NRG1: variants seen among roughly 807,000 people sequenced by gnomAD.
NRG1 encodes pro-neuregulin-1, membrane-bound isoform.
Under a neutral mutation model 63.8 loss-of-function variants are expected in NRG1, and 18 were observed. The ratio of observed to expected loss-of-function variants is 0.28; its 90% CI spans 0.19 to 0.42. The LOEUF is 0.42. Ranked by LOEUF, NRG1 falls within the 10% of genes least tolerant of loss-of-function variation. NRG1 has a pLI of 1.00. For synonymous variants in NRG1, 302 were observed against 301.3 expected (o/e 1.00, Z -0.02); for missense variants, 762 against 814.7 (o/e 0.94, Z 0.79).
At chr8:32,732,027 C>G (rs1823804490) in intron 6 of NRG1, among the ~76,000 whole-genome samples, 1 of 152,196 alleles carries the variant, frequency 6.6e-6, no homozygotes, top group Admixed American at 6.5e-5. Context: ...TTTTGTCTCT[C>G]TGCTTAGAAC....
intron 5 of NRG1, among the ~76,000 whole-genome samples, chr8:32,675,123 T>A (rs577330018): frequency 6.6e-6 from 1 of 152,198 alleles, no homozygotes. Context: ...ATGGTGTTAT[T>A]CATATTACTG....
At chr8:31,871,396 T>C (rs776388) in intron 1 of NRG1, among the ~76,000 whole-genome samples, 5,127 of 152,140 alleles carry the variant, frequency 0.034, 271 homozygotes, top group African/African-American at 0.12. Flanking sequence ...TCAAGAAGAA[T>C]CTCACAAAAT....
At chr8:31,662,824 T>C (rs139314335) in intron 1 of NRG1, among the ~76,000 whole-genome samples, 1 of 152,188 alleles carries the variant, frequency 6.6e-6, no homozygotes, top group Non-Finnish European at 1.5e-5. Flanking sequence ...CAAGAACTTA[T>C]TGTTGGGATG....
chr8:32,250,845 G>T (rs191710887), intron 1 of NRG1, among the ~76,000 whole-genome samples: 3 of 152,064 alleles, frequency 2.0e-5, no homozygotes, highest in Admixed American at 2.0e-4. Context: ...AGTCTGTAAT[G>T]AAAAATTGAG....
At chr8:32,757,017 C>T (rs955985941) in intron 9 of NRG1, among the ~76,000 whole-genome samples, 7 of 152,076 alleles carry the variant, frequency 4.6e-5, no homozygotes, top group African/African-American at 1.2e-4. Context: ...TCCTTTAGGG[C>T]GTGGAAAGGT....
chr8:32,343,270 TCC>T (rs1225697518), intron 1 of NRG1, among the ~76,000 whole-genome samples: 3 of 152,208 alleles, frequency 2.0e-5, no homozygotes, highest in Non-Finnish European at 4.4e-5. Context: ...ATTTTACATG[TCC>T]CATCCAACTT....
intron 1 of NRG1, among the ~76,000 whole-genome samples, chr8:31,723,959 G>A (rs990705486): frequency 2.0e-5 from 3 of 152,104 alleles, no homozygotes; most frequent in Non-Finnish European, 4.4e-5. Context: ...CTGGCAAACA[G>A]GAGCTAAATG....
At chr8:32,295,269 A>G (rs960766379) in intron 1 of NRG1, among the ~76,000 whole-genome samples, 8 of 152,158 alleles carry the variant, frequency 5.3e-5, no homozygotes, top group African/African-American at 1.9e-4. Context: ...CCAGACTGAA[A>G]TATGCATGTC....
At chr8:32,738,425 T>TACGC (rs1554658455) in intron 6 of NRG1, among the ~76,000 whole-genome samples, 1 of 149,664 alleles carries the variant, frequency 6.7e-6, no homozygotes, top group East Asian at 2.0e-4. Flanking sequence ...GGTATATACA[T>TACGC]ACACACACAC....
intron 1 of NRG1, among the ~76,000 whole-genome samples, chr8:31,925,233 G>A (rs983202066): frequency 3.0e-4 from 14 of 46,438 alleles, no homozygotes; most frequent in Admixed American, 1.6e-3. Context: ...AACTTTGGTT[G>A]TGAATGTACT....
intron 1 of NRG1, among the ~76,000 whole-genome samples, chr8:31,691,064 C>G (rs951942580): frequency 6.6e-6 from 1 of 152,084 alleles, no homozygotes; most frequent in Admixed American, 6.5e-5. Context: ...CTGGGTCACT[C>G]TAGCAGAGAT....
intron 1 of NRG1, among the ~76,000 whole-genome samples, chr8:32,423,544 C>G (rs1275122189): frequency 6.6e-6 from 1 of 152,066 alleles, no homozygotes; most frequent in Admixed American, 6.6e-5. Flanking sequence ...ACCCGAGAAG[C>G]TAAGGTGGGA....
At chr8:31,815,468 T>C (rs922732321) in intron 1 of NRG1, among the ~76,000 whole-genome samples, 1 of 152,224 alleles carries the variant, frequency 6.6e-6, no homozygotes, top group Non-Finnish European at 1.5e-5. Flanking sequence ...TTTATAGATA[T>C]ACCACATTTT....
At chr8:32,640,265 A>ACACACACACGCACG (rs1207884140) in intron 5 of NRG1, among the ~76,000 whole-genome samples, 1 of 151,770 alleles carries the variant, frequency 6.6e-6, no homozygotes. Context: ...ACACACACAC[A>ACACACACACGCACG]CACACACACG....
rs569378673 is a variant in NRG1, at chr8:31,966,627, T to A, written c.37+327196T>A. 2.0e-5 allele frequency among the ~76,000 whole-genome samples: 3 copies of A among 152,320 alleles called. No homozygotes were observed. In the East Asian group the frequency reaches 5.8e-4, roughly 29 times the overall value. On this transcript the variant is annotated intron_variant, in intron 1 of 10. Coordinates refer to the NRG1 transcript ENST00000519301. ...AGTGCTTCCTTAGGGAGCTGCTTAA[T>A]ACATTTCAATCTTAGAAGGTCAAGA...
At chr8:32,566,354 A>G (rs1179341605) in intron 1 of NRG1, among the ~76,000 whole-genome samples, 1 of 151,878 alleles carries the variant, frequency 6.6e-6, no homozygotes, top group East Asian at 1.9e-4. Context: ...AAAAAAAAAA[A>G]AAAAAGACAG....
At chr8:31,658,616 C>T (rs944422817) in intron 1 of NRG1, among the ~76,000 whole-genome samples, 1 of 152,152 alleles carries the variant, frequency 6.6e-6, no homozygotes, top group African/African-American at 2.4e-5. Flanking sequence ...ACATGCACCG[C>T]CATGCCTGGC....
chr8:32,081,181 C>T (rs2169585), intron 1 of NRG1, among the ~76,000 whole-genome samples: 148,422 of 152,236 alleles, frequency 0.97, 72,465 homozygotes, highest in East Asian at 1. Flanking sequence ...AGTTGACACA[C>T]TGAACTGACC....
chr8:31,900,121 A>G (rs1355251943), intron 1 of NRG1, among the ~76,000 whole-genome samples: 4 of 152,214 alleles, frequency 2.6e-5, no homozygotes, highest in African/African-American at 9.6e-5. Flanking sequence ...ATGCTGCTTG[A>G]TGAAAAAGAA....
Sources: allele counts gnomAD v4.1 joint callset (sites outside exome capture counted in the v4.1 genomes callset), GRCh38; gene constraint gnomAD v4.1.1; transcripts MANE v1.5; gene names NCBI Gene and HGNC (gene_info 2026-07-23, HGNC 2026-07-21).